Variants in SPEF2 observed in about 807,000 individuals in gnomAD.
SPEF2 encodes the protein sperm flagella and cilia-associated protein 2.
SPEF2 carries 187 observed loss-of-function variants against 224.6 expected under a neutral mutation model. The ratio of observed to expected loss-of-function variants is 0.83; its 90% CI spans 0.74 to 0.94. The LOEUF is 0.94. SPEF2 is among the 40% of genes least tolerant of loss of function. SPEF2 has a pLI of 0.00. For synonymous variants in SPEF2, 715 were observed against 707.3 expected, an observed-to-expected ratio of 1.01 and a Z score of -0.17; for missense variants, 2,170 against 2,135.6, an observed-to-expected ratio of 1.02 and a Z score of -0.32.
chr5:35,630,947 T>C (rs1476014755), intron 2 of SPEF2, among the ~76,000 whole-genome samples: 1 of 152,224 alleles, frequency 6.6e-6, no homozygotes, highest in Non-Finnish European at 1.5e-5. Context: ...AGGATCTGAA[T>C]GGACATTTCA....
intron 10 of SPEF2, among the ~76,000 whole-genome samples, chr5:35,686,077 A>C (rs1753569907): frequency 6.6e-6 from 1 of 152,092 alleles, no homozygotes. Flanking sequence ...TGGACTGAAA[A>C]GACTTACATT....
rs1750946662 is a variant in SPEF2 at position 35,759,677 on chromosome 5, T to C, written c.3578T>C (p.Leu1193Ser). The C allele has an allele frequency of 1.9e-6, 3 of 1,607,726 alleles. No homozygotes were observed. Among genetic ancestry groups the C allele is most frequent in the Non-Finnish European group, 2.6e-6 (3 of 1,175,762 alleles). ...EDNKRFTRIP[L>S]VQLDSKDNSE... is the part of the protein sequence containing the mutation. ...AACAAGAGATTTACTCGAATCCCTT[T>C]GGTCCAACTGGATAGTAAAGACAAT... Residue 1193 changes from leucine (L) to serine (S), a missense_variant, in exon 25 of 37, where the codon TTG becomes TCG. Leu to Ser is a moderately radical substitution (Grantham distance 145). Coordinates refer to ENST00000356031, the MANE Select transcript of SPEF2 (RefSeq NM_024867.4).
At position 35,697,731 on chromosome 5, in the gene SPEF2, G is replaced by A. The variant is rs1318628755; in HGVS notation, c.2079G>A (p.Leu693=). The part of the protein sequence containing the change: ...RAQLGAKSEQ[L]LKKGKSIPDV... ...AGCTTGGTGCAAAATCAGAACAGTTGCTGAAGAAAGGAAAGAGCATTCCTG... is the reference window on the plus strand; with the variant it reads ...AGCTTGGTGCAAAATCAGAACAGTTACTGAAGAAAGGAAAGAGCATTCCTG... Residue 693 remains leucine, a synonymous_variant, in exon 15 of 37, where the codon TTG becomes TTA. Coordinates refer to ENST00000356031, the MANE Select transcript of SPEF2 (RefSeq NM_024867.4). 2 of 1,613,316 alleles carry A rather than the reference G, an allele frequency of 1.2e-6. No homozygotes were observed.
intron 2 of SPEF2, among the ~76,000 whole-genome samples, chr5:35,629,458 G>A (rs959459291): frequency 9.2e-5 from 14 of 151,946 alleles, no homozygotes; most frequent in African/African-American, 2.9e-4. Context: ...CGCCCGGCCT[G>A]TTCCTTCTTT....
In SPEF2 at chr5:35,773,917, C is replaced by A. The variant is rs771836189; in HGVS notation, c.3974C>A (p.Ala1325Glu). The change falls in exon 28 of 37, where the codon GCA becomes GAA. Residue 1325 changes from alanine to glutamate, a missense_variant. Physicochemically the swap from Ala to Glu is moderately radical, Grantham distance 107 (BLOSUM62 -1). Transcript: ENST00000356031. ...PKGKSPPMAE[A>E]TPVIVTTEEI... ...GGTAAATCACCACCTATGGCAGAAGCAACTCCTGTCATAGTAACAACAGAG... is the reference window on the plus strand; with the variant it reads ...GGTAAATCACCACCTATGGCAGAAGAAACTCCTGTCATAGTAACAACAGAG... The A allele has an allele frequency of 4.3e-6, 7 of 1,612,654 alleles. No individual in the cohort carries two copies. The South Asian group carries it at 6.6e-5, about 15-fold the overall frequency.
At chr5:35,801,018 C>T (rs1757347498) in intron 34 of SPEF2, among the ~76,000 whole-genome samples, 1 of 152,146 alleles carries the variant, frequency 6.6e-6, no homozygotes, top group African/African-American at 2.4e-5. Context: ...AAGTTTGGCC[C>T]TGAGCATGTG....
In SPEF2 at chr5:35,647,317, T is replaced by G. The variant is rs918729423; in HGVS notation, c.726+510T>G. Among the ~76,000 whole-genome samples the G allele has an allele frequency of 2.7e-5, 4 of 148,888 alleles. No individual in the cohort carries two copies. In the Admixed American group the frequency reaches 2.7e-4, roughly 10 times the overall value. On this transcript the variant is annotated intron_variant, in intron 5 of 36. Coordinates refer to ENST00000356031, the MANE Select transcript of SPEF2 (RefSeq NM_024867.4). ...AGACATTACATGGGGGGAGAGAAAGTGAGAGAGAGGGTGTAGGGAGGGAGA... is the reference window on the plus strand; with the variant it reads ...AGACATTACATGGGGGGAGAGAAAGGGAGAGAGAGGGTGTAGGGAGGGAGA...
At chr5:35,630,589 G>A (rs192456890) in intron 2 of SPEF2, among the ~76,000 whole-genome samples, 71 of 152,246 alleles carry the variant, frequency 4.7e-4, no homozygotes, top group African/African-American at 9.1e-4. Context: ...CCAGCTACTC[G>A]TGAGGCTGAG....
At position 35,746,083 on chromosome 5, in the gene SPEF2, C is replaced by T. The variant is rs189400845; in HGVS notation, c.3330+5816C>T. Among the ~76,000 whole-genome samples the T allele has an allele frequency of 1.7e-3, 259 of 152,294 alleles. 1 individual carries two copies. Among genetic ancestry groups the T allele is most frequent in the African/African-American group, 5.8e-3 (242 of 41,558 alleles). On this transcript the variant is annotated intron_variant, in intron 23 of 36. Coordinates refer to ENST00000356031, the MANE Select transcript of SPEF2 (RefSeq NM_024867.4). ...CCCAGAAGACAGACAACAATCACTG[C>T]AGTTTGGCTCACAGGAAGCCACATC...
At chr5:35,708,063 G>GT (rs1171783667) in intron 18 of SPEF2, among the ~76,000 whole-genome samples, 1 of 151,942 alleles carries the variant, frequency 6.6e-6, no homozygotes, top group Non-Finnish European at 1.5e-5. Flanking sequence ...TTTTACTGTT[G>GT]TATCTCCAGC....
chr5:35,697,936 G>A (rs1056747770), intron 15 of SPEF2, 143 bp downstream of exon 15: 3 of 557,752 alleles, frequency 5.4e-6, no homozygotes, highest in Non-Finnish European at 8.9e-6. Context: ...CAATGAAAAG[G>A]TAGATTTATT....
chr5:35,692,465 A>G, intron 11 of SPEF2, 105 bp from the exon 12 acceptor site: 2 of 788,466 alleles, frequency 2.5e-6, no homozygotes, highest in Non-Finnish European at 4.1e-6. Context: ...AGACTGTTCT[A>G]GCGGGCCTGA....
At position 35,794,043 on chromosome 5, in the gene SPEF2, C is replaced by T. The variant is rs1025875415; in HGVS notation, c.4737+702C>T. Among the ~76,000 whole-genome samples, 54 of 152,126 alleles carry T rather than the reference C, an allele frequency of 3.5e-4. 1 individual carries two copies. Among genetic ancestry groups the T allele is most frequent in the Non-Finnish European group, 5.9e-5 (4 of 68,020 alleles). ...GGTGGCATGTAACCGGTAACCTGTGCTAGAGAAATTTTGGTGGAATAATAA... is the reference window on the plus strand; with the variant it reads ...GGTGGCATGTAACCGGTAACCTGTGTTAGAGAAATTTTGGTGGAATAATAA... On this transcript the variant is annotated intron_variant, in intron 32 of 36. Transcript: ENST00000356031.
chr5:35,730,351 C>T (rs1745441436), intron 21 of SPEF2, among the ~76,000 whole-genome samples: 1 of 152,348 alleles, frequency 6.6e-6, no homozygotes, highest in South Asian at 2.1e-4. Context: ...AAGACCAGGA[C>T]TCCACGAAAA....
At chr5:35,805,538 C>T (rs1303641307) in intron 34 of SPEF2, among the ~76,000 whole-genome samples, 1 of 152,124 alleles carries the variant, frequency 6.6e-6, no homozygotes, top group African/African-American at 2.4e-5. Flanking sequence ...GATCAGATCT[C>T]AGATGTTCTG....
intron 25 of SPEF2, among the ~76,000 whole-genome samples, chr5:35,762,618 C>G (rs1355945189): frequency 6.6e-6 from 1 of 152,142 alleles, no homozygotes; most frequent in African/African-American, 2.4e-5. Flanking sequence ...ATTACTGATT[C>G]TGACTCTCCT....
intron 26 of SPEF2, among the ~76,000 whole-genome samples, chr5:35,767,997 T>A (rs1167355936): frequency 6.6e-6 from 1 of 152,106 alleles, no homozygotes; most frequent in African/African-American, 2.4e-5. Flanking sequence ...GCAGTTATTG[T>A]CTTTCCTACT....
At chr5:35,758,042 T>A (rs962871350) in intron 24 of SPEF2, among the ~76,000 whole-genome samples, 1 of 152,206 alleles carries the variant, frequency 6.6e-6, no homozygotes, top group Non-Finnish European at 1.5e-5. Flanking sequence ...TGTTGTAGAC[T>A]GCAACAAAAA....
At chr5:35,642,182 T>G (rs887635174) in intron 3 of SPEF2, among the ~76,000 whole-genome samples, 1 of 152,210 alleles carries the variant, frequency 6.6e-6, no homozygotes, top group Non-Finnish European at 1.5e-5. Context: ...TAAATGAATC[T>G]TCCCTAAATT....
Sources: allele counts gnomAD v4.1 joint callset (sites outside exome capture counted in the v4.1 genomes callset), GRCh38; gene constraint gnomAD v4.1.1; transcripts MANE v1.5; gene names NCBI Gene and HGNC (gene_info 2026-07-23, HGNC 2026-07-21).